TSFM: variants seen among roughly 807,000 people sequenced by gnomAD.
The protein encoded by TSFM is elongation factor Ts, mitochondrial.
TSFM carries 29 observed loss-of-function variants against 33.4 expected under a neutral mutation model. That is an observed-to-expected ratio of 0.87 (90% CI 0.65 to 1.18). The LOEUF is 1.18. Ranked by LOEUF, TSFM falls within the 50% of genes most tolerant of loss-of-function variation. The pLI is 0.00. For missense variants in TSFM, 394 were observed against 395.6 expected, an observed-to-expected ratio of 1.00 and a Z score of 0.04; for synonymous variants, 178 against 163.5, an observed-to-expected ratio of 1.09 and a Z score of -0.68.
chr12:57,793,041 GCTCA>G lies in TSFM; in HGVS notation c.544_547del (p.Leu182ArgfsTer6). 3.7e-6 allele frequency: 6 copies of G among 1,613,732 alleles called. No homozygotes were observed. Among genetic ancestry groups the G allele is most frequent in the Non-Finnish European group, 5.1e-6 (6 of 1,179,714 alleles). On this transcript the variant is annotated frameshift_variant, in exon 5 of 6. Coordinates refer to ENST00000652027, the MANE Select transcript of TSFM (RefSeq NM_005726.6). LOFTEE classifies it high-confidence loss of function. ...CTTCCAGCTGGGCCTGACAGAGAAG[GCTCA>G]CTCAAGGATCAGTTGGCTTTAGCAA...
At chr12:57,791,235 C>T (rs1295373379) in intron 4 of TSFM, among the ~76,000 whole-genome samples, 1 of 152,172 alleles carries the variant, frequency 6.6e-6, no homozygotes, top group Non-Finnish European at 1.5e-5. Flanking sequence ...GTCTCGAACT[C>T]CTGACCTTAG....
At position 57,785,011 on chromosome 12, in the gene TSFM, C is replaced by T. The variant is rs561911835; in HGVS notation, c.232-1152C>T. On this transcript the variant is annotated intron_variant, in intron 2 of 5. Coordinates refer to ENST00000652027, the MANE Select transcript of TSFM (RefSeq NM_005726.6). ...GCACAATCTTGGCTCACTGCAAGCT[C>T]CACCTCCCAGGTTCACACCATTCTC... Among the ~76,000 whole-genome samples, 5 of 145,686 alleles carry T rather than the reference C, an allele frequency of 3.4e-5. No homozygotes were observed. In the South Asian group the frequency reaches 1.1e-3, roughly 32 times the overall value.
intron 4 of TSFM, among the ~76,000 whole-genome samples, chr12:57,789,296 G>A (rs1955631120): frequency 6.6e-6 from 1 of 151,932 alleles, no homozygotes; most frequent in African/African-American, 2.4e-5. Context: ...CTTTTTGTAA[G>A]TATGTTGCAG....
chr12:57,786,124 G>GT, intron 2 of TSFM, 39 bp from the exon 3 acceptor site: 1 of 1,561,892 alleles, frequency 6.4e-7, no homozygotes, highest in Non-Finnish European at 8.7e-7. Context: ...GCTAAATTCT[G>GT]TGACTTTGTT....
chr12:57,789,441 G>A (rs1363641040), intron 4 of TSFM, among the ~76,000 whole-genome samples: 1 of 152,128 alleles, frequency 6.6e-6, no homozygotes, highest in Non-Finnish European at 1.5e-5. Flanking sequence ...TCAGCTCACT[G>A]CAACCTTCAC....
At position 57,788,267 on chromosome 12, in the gene TSFM, C is replaced by CTT. The variant is rs56048814; in HGVS notation, c.483+1115_483+1116dup. Among the ~76,000 whole-genome samples the CTT allele has an allele frequency of 5.2e-4, 77 of 146,948 alleles. 1 individual carries two copies. The highest frequency in any genetic ancestry group is 1.5e-3 in the African/African-American group (59 of 39,888). On this transcript the variant is annotated intron_variant, in intron 4 of 5. Transcript: ENST00000652027. ...TTTTGCCAGTAAACACCAGTGTACCCTTTTTTTTTTTATTTTTGTTTTTGT... is the reference window on the plus strand; with the variant it reads ...TTTTGCCAGTAAACACCAGTGTACCCTTTTTTTTTTTTTATTTTTGTTTTTGT...
rs114694283 is a variant in TSFM at position 57,796,359 on chromosome 12, G to A, written c.754G>A (p.Val252Ile). 2.4e-3 allele frequency: 3,902 copies of A among 1,604,190 alleles called. 77 individuals are homozygous for A. The African/African-American group carries it at 0.044, about 18-fold the overall frequency. Residue 252 changes from valine (V) to isoleucine (I), a missense_variant, in exon 6 of 6, where the codon GTT becomes ATT. Transcript: ENST00000652027. ...TSEQKTNLED[V>I]GRRLGQHVVG... Reference sequence around the variant, plus strand: ...TGAACAGAAAACAAACCTTGAAGACGTTGGCCGCCGCCTTGGGCAGCATGT... The same window carrying A: ...TGAACAGAAAACAAACCTTGAAGACATTGGCCGCCGCCTTGGGCAGCATGT...
At position 57,797,302 on chromosome 12, in the gene TSFM, G is replaced by C; in HGVS notation, c.*719G>C. ...TTAACATTGCCTCTTTACTTCCCCAGTACTGAAACATTTCTTCAAGTATAA... is the reference window on the plus strand; with the variant it reads ...TTAACATTGCCTCTTTACTTCCCCACTACTGAAACATTTCTTCAAGTATAA... On this transcript the variant is annotated 3_prime_UTR_variant, in exon 6 of 6. Transcript: ENST00000652027. The C allele has an allele frequency of 2.0e-6, 2 of 985,314 alleles. No individual in the cohort carries two copies. Among genetic ancestry groups the C allele is most frequent in the Non-Finnish European group, 1.2e-6 (1 of 829,922 alleles). 61.0% of individuals were successfully genotyped at this position (985,314 alleles called of 1,614,324 possible). A position where few individuals can be genotyped will look rare whatever the true frequency, so the allele number is the denominator to read the frequency against.
chr12:57,787,277 A>G, intron 4 of TSFM, 115 bp downstream of exon 4: 1 of 1,098,676 alleles, frequency 9.1e-7, no homozygotes, highest in Non-Finnish European at 1.3e-6. Context: ...CTCTGCTTAA[A>G]TGCTATCTCT....
chr12:57,799,818 C>T (rs762545181), downstream of TSFM: 12 of 1,614,124 alleles, frequency 7.4e-6, no homozygotes, highest in Admixed American at 2.0e-4. Flanking sequence ...GGGTTTACAT[C>T]CTCAGGCAGC....
chr12:57,787,994 G>T (rs1283677616), intron 4 of TSFM, among the ~76,000 whole-genome samples: 1 of 152,098 alleles, frequency 6.6e-6, no homozygotes, highest in Admixed American at 6.6e-5. Flanking sequence ...GAGGGATCAA[G>T]GAAAGGAATT....
In TSFM at chr12:57,796,400, CCT is replaced by C. The variant is rs770374058; in HGVS notation, c.800_801del (p.Ser267CysfsTer7). On this transcript the variant is annotated frameshift_variant, in exon 6 of 6. Transcript: ENST00000652027. LOFTEE classifies it high-confidence loss of function. ...GGCAGCATGTGGTGGGCATGGCCCC[CCT>C]CTCTGTTGGCTCCCTGGACGATGAG... ...LGQHVVGMAPLSVGSLDDEPG... is the reference protein window; with the variant it reads ...LGQHVVGMAPXSVGSLDDEPG... The C allele has an allele frequency of 1.9e-6, 3 of 1,602,510 alleles. No homozygotes were observed. The highest frequency in any genetic ancestry group is 1.3e-5 in the African/African-American group (1 of 74,878).
In TSFM at chr12:57,797,457, T is replaced by C. The variant is rs1955759021; in HGVS notation, c.*874T>C. On this transcript the variant is annotated 3_prime_UTR_variant, in exon 6 of 6. Coordinates refer to ENST00000652027, the MANE Select transcript of TSFM (RefSeq NM_005726.6). ...GATCTGGGTATTTGGATTTTGCCTA[T>C]GGAGTGCATATATGATTTCAATGAT... 2.0e-6 allele frequency: 2 copies of C among 985,306 alleles called. No homozygotes were observed. Among genetic ancestry groups the C allele is most frequent in the African/African-American group, 3.5e-5 (2 of 57,250 alleles). 61.0% of individuals were successfully genotyped at this position (985,306 alleles called of 1,614,324 possible).
chr12:57,790,063 T>TCTTTC (rs200431313), intron 4 of TSFM, among the ~76,000 whole-genome samples: 10 of 136,978 alleles, frequency 7.3e-5, no homozygotes, highest in African/African-American at 2.9e-4. Context: ...TTTCTTTCTT[T>TCTTTC]TTTTTTTTTT....
intron 4 of TSFM, 77 bp from the exon 5 acceptor site, chr12:57,792,909 T>G: frequency 7.0e-7 from 1 of 1,430,656 alleles, no homozygotes. Flanking sequence ...TTCTTAGAGA[T>G]AGACTATTTT....
chr12:57,800,113 G>A (rs558317211), downstream of TSFM: 163 of 726,690 alleles, frequency 2.2e-4, no homozygotes, highest in African/African-American at 2.6e-3. Context: ...CAGATTTTGG[G>A]GTTGTTCTTG....
downstream of TSFM, chr12:57,799,992 T>A: frequency 6.4e-7 from 1 of 1,562,670 alleles, no homozygotes. Context: ...TCTGAATGTG[T>A]ATAATATTTA....
chr12:57,785,008 G>A (rs1263266491), intron 2 of TSFM, among the ~76,000 whole-genome samples: 1 of 125,558 alleles, frequency 8.0e-6, no homozygotes, highest in Admixed American at 1.0e-4. Context: ...CTCACTGCAA[G>A]CTCCACCTCC....
downstream of TSFM, chr12:57,802,656 C>T (rs1162980245): frequency 6.0e-6 from 4 of 661,728 alleles, no homozygotes; most frequent in South Asian, 5.0e-5. Flanking sequence ...TTAAAAATAA[C>T]ACCTTCAGGA....
Sources: gnomAD v4.1 joint callset for allele counts (sites outside exome capture counted in the v4.1 genomes callset) on GRCh38, gnomAD v4.1.1 for gene constraint, MANE v1.5 for transcripts, NCBI Gene and HGNC (gene_info 2026-07-23, HGNC 2026-07-21) for gene names.